DIAPH2: variants seen among roughly 807,000 people sequenced by gnomAD.
DIAPH2 encodes the protein protein diaphanous homolog 2.
DIAPH2 carries 35 observed loss-of-function variants against 92.7 expected under a neutral mutation model. The ratio of observed to expected loss-of-function variants is 0.38; its 90% CI spans 0.29 to 0.50. The LOEUF is 0.50. Ranked by LOEUF, DIAPH2 falls within the 20% of genes least tolerant of loss-of-function variation. DIAPH2 has a pLI of 0.94. For missense variants in DIAPH2, 701 were observed against 819.5 expected, an observed-to-expected ratio of 0.86 and a Z score of 1.77; for synonymous variants, 301 against 280.4, an observed-to-expected ratio of 1.07 and a Z score of -0.73.
At chrX:97,039,271 T>C (rs1202995898) in intron 17 of DIAPH2, among the ~76,000 whole-genome samples, 1 of 111,780 alleles carries the variant, frequency 8.9e-6, no homozygotes, top group Non-Finnish European at 1.9e-5. Context: ...TATAGTATGT[T>C]TCTTATTTCT....
chrX:96,884,891 A>C, intron 5 of DIAPH2: 1 of 1,211,386 alleles, frequency 8.3e-7, no homozygotes, highest in Non-Finnish European at 1.1e-6. Context: ...GGGGATAACG[A>C]TGAGAGTCAC....
At chrX:97,127,499 G>C (rs182502295) in intron 21 of DIAPH2, among the ~76,000 whole-genome samples, 27 of 112,401 alleles carry the variant, frequency 2.4e-4, no homozygotes, top group African/African-American at 8.4e-4. Context: ...GGCCCATTCA[G>C]ATCACTTTAT....
chrX:97,397,987 A>G (rs920880308), intron 25 of DIAPH2, among the ~76,000 whole-genome samples: 3 of 112,452 alleles, frequency 2.7e-5, no homozygotes, highest in African/African-American at 6.5e-5. Flanking sequence ...CATTTAAACA[A>G]TCCAACTTGA....
chrX:97,518,580 A>G (rs1389513307), intron 26 of DIAPH2, among the ~76,000 whole-genome samples: 2 of 110,149 alleles, frequency 1.8e-5, no homozygotes, highest in African/African-American at 3.3e-5. Flanking sequence ...GTATATATAT[A>G]TATAGTTTTT....
chrX:97,301,168 A>AG (rs2068702257), intron 23 of DIAPH2, among the ~76,000 whole-genome samples: 1 of 106,056 alleles, frequency 9.4e-6, no homozygotes, highest in African/African-American at 3.4e-5. Flanking sequence ...AAAAAAAAAA[A>AG]AAAGAAAATT....
At chrX:96,877,139 A>G (rs1158231208) in intron 4 of DIAPH2, among the ~76,000 whole-genome samples, 2 of 111,082 alleles carry the variant, frequency 1.8e-5, no homozygotes, top group Non-Finnish European at 3.8e-5. Context: ...AAATAAATAG[A>G]TTCACTTGGA....
chrX:97,106,971 C>T (rs762097578), intron 20 of DIAPH2, among the ~76,000 whole-genome samples: 1 of 111,565 alleles, frequency 9.0e-6, no homozygotes, highest in Non-Finnish European at 1.9e-5. Context: ...TGGCCTCAAA[C>T]ATGTTTTCAG....
At chrX:96,973,803 C>T (rs2065943561) in intron 17 of DIAPH2, among the ~76,000 whole-genome samples, 1 of 102,902 alleles carries the variant, frequency 9.7e-6, no homozygotes, top group South Asian at 4.6e-4. Flanking sequence ...TCAAGTGATT[C>T]TCCTGCCTCA....
intron 17 of DIAPH2, among the ~76,000 whole-genome samples, chrX:96,974,099 G>A (rs962987547): frequency 2.7e-5 from 3 of 111,443 alleles, no homozygotes; most frequent in Admixed American, 9.5e-5. Flanking sequence ...TGTTAAGTTG[G>A]AATGTAAAGT....
At chrX:97,486,170 A>G (rs2070687139) in intron 26 of DIAPH2, among the ~76,000 whole-genome samples, 1 of 111,693 alleles carries the variant, frequency 9.0e-6, no homozygotes, top group South Asian at 3.7e-4. Flanking sequence ...TGGAAATGGC[A>G]ATGTCTTTCA....
rs751038280 is a variant in DIAPH2 at position 96,758,234 on chromosome X, G to C, written c.423G>C (p.Gln141His). 2 of 1,202,087 alleles carry C rather than the reference G, an allele frequency of 1.7e-6. No individual in the cohort carries two copies. Among genetic ancestry groups the C allele is most frequent in the African/African-American group, 3.5e-5 (2 of 56,818 alleles). The change falls in exon 4 of 27, where the codon CAG (glutamine) becomes CAC (histidine). Residue 141 changes from glutamine to histidine, a missense_variant. By Grantham distance (24) the Gln-to-His change is conservative (BLOSUM62 0). Coordinates refer to ENST00000324765, the MANE Select transcript of DIAPH2 (RefSeq NM_006729.5). Reference sequence around the variant, plus strand: ...CCACCAAACGTGAGATGGTTGTCCAGTATATTTCTGCCACTGCCAAATCTG... The same window carrying C: ...CCACCAAACGTGAGATGGTTGTCCACTATATTTCTGCCACTGCCAAATCTG... ...DFTTKREMVV[Q>H]YISATAKSGG... is the part of the protein sequence containing the mutation.
At chrX:97,413,573 A>G (rs1413585933) in intron 25 of DIAPH2, among the ~76,000 whole-genome samples, 2 of 111,473 alleles carry the variant, frequency 1.8e-5, no homozygotes, top group African/African-American at 6.5e-5. Flanking sequence ...ACGAGAAAGA[A>G]AAAAGGGGTA....
chrX:97,420,442 C>A (rs1388251261), intron 25 of DIAPH2, among the ~76,000 whole-genome samples: 1 of 111,281 alleles, frequency 9.0e-6, no homozygotes, highest in Non-Finnish European at 1.9e-5. Context: ...GTATTTATTC[C>A]ATGGCAAAAT....
intron 19 of DIAPH2, among the ~76,000 whole-genome samples, chrX:97,098,626 T>C (rs2066885015): frequency 5.3e-5 from 6 of 112,800 alleles, no homozygotes; most frequent in Admixed American, 4.7e-4. Context: ...GGTTTCTCCA[T>C]GTTGGTCAGG....
At position 96,794,693 on chromosome X, in the gene DIAPH2, C is replaced by T. The variant is rs901464920; in HGVS notation, c.447+36435C>T. Among the ~76,000 whole-genome samples the T allele has an allele frequency of 1.3e-3, 143 of 111,866 alleles. 1 individual carries two copies. The highest frequency in any genetic ancestry group is 4.2e-3 in the African/African-American group (130 of 30,795). ...TATACAGACTCTAGAGAATGTCTCA[C>T]CTATGTGATTGATTGTATTAGTTTT... On this transcript the variant is annotated intron_variant, in intron 4 of 26. Transcript: ENST00000324765.
At chrX:97,518,436 A>G (rs181930528) in intron 26 of DIAPH2, among the ~76,000 whole-genome samples, 176 of 110,789 alleles carry the variant, frequency 1.6e-3, no homozygotes, top group African/African-American at 5.6e-3. Flanking sequence ...ATTAATCCCT[A>G]CTGAAAAACA....
intron 21 of DIAPH2, among the ~76,000 whole-genome samples, chrX:97,132,097 ATGT>A (rs1205226278): frequency 8.9e-6 from 1 of 112,137 alleles, no homozygotes; most frequent in African/African-American, 3.2e-5. Context: ...ATTCCATTTA[ATGT>A]TGTTACGGTT....
intron 26 of DIAPH2, among the ~76,000 whole-genome samples, chrX:97,496,164 G>C (rs772836371): frequency 1.2e-5 from 1 of 86,779 alleles, no homozygotes; most frequent in Non-Finnish European, 2.2e-5. Context: ...ATTTGAATTG[G>C]TACCTTTTTT....
chrX:97,547,963 A>T (rs1385356243), intron 26 of DIAPH2, among the ~76,000 whole-genome samples: 5 of 111,194 alleles, frequency 4.5e-5, no homozygotes, highest in Non-Finnish European at 7.5e-5. Flanking sequence ...TTATATTTGC[A>T]CTCCATAAAT....
Sources: gnomAD v4.1 joint callset for allele counts (sites outside exome capture counted in the v4.1 genomes callset) on GRCh38, gnomAD v4.1.1 for gene constraint, MANE v1.5 for transcripts, NCBI Gene and HGNC (gene_info 2026-07-23, HGNC 2026-07-21) for gene names.